Variants in SMYD3 observed in about 807,000 individuals in gnomAD.
The protein encoded by SMYD3 is SET and MYND domain containing 3.
In SMYD3, 36 loss-of-function variants were observed where a neutral mutation model predicts 57.7. The ratio of observed to expected loss-of-function variants is 0.62; its 90% CI spans 0.48 to 0.82. SMYD3 has a LOEUF of 0.82. Ranked by LOEUF, SMYD3 falls within the 40% of genes least tolerant of loss-of-function variation. SMYD3 has a pLI of 0.00. For missense variants in SMYD3, 515 were observed against 538.8 expected (o/e 0.96, Z 0.44); for synonymous variants, 211 against 195.0 (o/e 1.08, Z -0.68).
intron 5 of SMYD3, among the ~76,000 whole-genome samples, chr1:246,254,124 C>G (rs751385391): frequency 2.0e-5 from 3 of 152,150 alleles, no homozygotes; most frequent in Non-Finnish European, 4.4e-5. Flanking sequence ...TTGATAGTTT[C>G]TTTTGATGTG....
At chr1:245,858,881 A>G (rs2051391707) in intron 9 of SMYD3, among the ~76,000 whole-genome samples, 1 of 152,202 alleles carries the variant, frequency 6.6e-6, no homozygotes, top group African/African-American at 2.4e-5. Context: ...TCAACAAACT[A>G]TCTCGTAACC....
rs951013540 is a variant in SMYD3 at position 246,463,678 on chromosome 1, A to C, written c.164+43376T>G. Among the ~76,000 whole-genome samples, 121 of 149,456 alleles carry C rather than the reference A, an allele frequency of 8.1e-4. 2 individuals carry two copies. Among genetic ancestry groups the C allele is most frequent in the Non-Finnish European group, 4.2e-4 (28 of 67,168 alleles). On this transcript the variant is annotated intron_variant, in intron 1 of 11. Transcript: ENST00000490107. The stretch of plus-strand genomic sequence containing the variant: ...TAAAAATACAAAAAAAAAAAAAAAA[A>C]AAAAAACATTAGCTGGGTGTTGTGG...
intron 9 of SMYD3, among the ~76,000 whole-genome samples, chr1:245,861,582 C>T (rs1244494239): frequency 6.6e-6 from 1 of 152,126 alleles, no homozygotes; most frequent in Non-Finnish European, 1.5e-5. Flanking sequence ...GCCACCTTCC[C>T]CTCCTCTCAT....
chr1:246,229,896 T>C (rs976078735), intron 5 of SMYD3, among the ~76,000 whole-genome samples: 3 of 152,212 alleles, frequency 2.0e-5, no homozygotes, highest in African/African-American at 7.2e-5. Flanking sequence ...AATGGCAAGA[T>C]ACTAGAAGTA....
chr1:246,412,699 G>A (rs555344558), intron 1 of SMYD3, among the ~76,000 whole-genome samples: 28 of 151,910 alleles, frequency 1.8e-4, no homozygotes, highest in Non-Finnish European at 3.5e-4. Flanking sequence ...TCTACTAAAA[G>A]TACAAAAAAT....
At position 245,809,143 on chromosome 1, in the gene SMYD3, T is replaced by C. The variant is rs796837343; in HGVS notation, c.1077-44994A>G. On this transcript the variant is annotated intron_variant, in intron 10 of 11. Coordinates refer to ENST00000490107, the MANE Select transcript of SMYD3 (RefSeq NM_001167740.2). ...AGGGCTCTGTACTGCCTCTGGTTCC[T>C]GCTGCTCACTACTATCAAACACATA... Among the ~76,000 whole-genome samples the C allele has an allele frequency of 1.8e-4, 28 of 152,352 alleles. 1 individual carries two copies. Among genetic ancestry groups the C allele is most frequent in the African/African-American group, 6.0e-4 (25 of 41,588 alleles).
chr1:245,807,856 C>T (rs143854286), intron 10 of SMYD3, among the ~76,000 whole-genome samples: 4 of 150,648 alleles, frequency 2.7e-5, no homozygotes, highest in African/African-American at 4.9e-5. Context: ...AAGCAATCTA[C>T]ACCGTGAAAA....
chr1:246,218,644 A>C (rs953227259), intron 5 of SMYD3, among the ~76,000 whole-genome samples: 2 of 152,084 alleles, frequency 1.3e-5, no homozygotes, highest in Non-Finnish European at 2.9e-5. Context: ...AGTAGTGGCA[A>C]CACTGTATTT....
chr1:246,026,291 C>G (rs1378346266), intron 5 of SMYD3, among the ~76,000 whole-genome samples: 1 of 152,226 alleles, frequency 6.6e-6, no homozygotes, highest in Non-Finnish European at 1.5e-5. Context: ...TCATTTATAT[C>G]AGTGACTTCT....
intron 1 of SMYD3, among the ~76,000 whole-genome samples, chr1:246,364,683 C>A (rs1206945466): frequency 6.6e-6 from 1 of 152,092 alleles, no homozygotes; most frequent in Non-Finnish European, 1.5e-5. Flanking sequence ...AGTTATGGGA[C>A]GTAAAACATG....
chr1:246,400,973 T>C (rs1215825314), intron 1 of SMYD3, among the ~76,000 whole-genome samples: 1 of 152,158 alleles, frequency 6.6e-6, no homozygotes, highest in African/African-American at 2.4e-5. Flanking sequence ...ATTCACAAAA[T>C]CTGAAGCTCA....
chr1:245,828,044 T>C (rs2049605168), intron 10 of SMYD3, among the ~76,000 whole-genome samples: 1 of 152,218 alleles, frequency 6.6e-6, no homozygotes, highest in Non-Finnish European at 1.5e-5. Context: ...TACCTTTTTA[T>C]TTCCATAGGG....
intron 5 of SMYD3, among the ~76,000 whole-genome samples, chr1:246,076,866 C>T (rs542758948): frequency 2.2e-4 from 34 of 152,094 alleles, no homozygotes; most frequent in African/African-American, 8.0e-4. Flanking sequence ...ATAAGATGGC[C>T]CCTTATCGTC....
chr1:246,496,903 C>T (rs138639230), intron 1 of SMYD3, among the ~76,000 whole-genome samples: 441 of 152,110 alleles, frequency 2.9e-3, no homozygotes, highest in Middle Eastern at 0.01. Context: ...ATGAATAGGC[C>T]GTGTATAAAA....
At chr1:246,234,881 T>A (rs140116423) in intron 5 of SMYD3, among the ~76,000 whole-genome samples, 13 of 152,136 alleles carry the variant, frequency 8.5e-5, no homozygotes, top group African/African-American at 2.9e-4. Context: ...AAAAGCAACA[T>A]AGAGAGACTA....
intron 5 of SMYD3, among the ~76,000 whole-genome samples, chr1:246,121,614 T>A (rs2061427422): frequency 6.6e-6 from 1 of 152,182 alleles, no homozygotes; most frequent in South Asian, 2.1e-4. Context: ...GAAATAGCAG[T>A]GTTGATTATC....
intron 8 of SMYD3, among the ~76,000 whole-genome samples, chr1:245,872,318 C>T (rs1367484068): frequency 6.7e-6 from 1 of 149,222 alleles, no homozygotes; most frequent in African/African-American, 2.4e-5. Context: ...CAAGCAGCTG[C>T]TTGCATCCTC....
intron 5 of SMYD3, among the ~76,000 whole-genome samples, chr1:246,285,877 A>G (rs1372387807): frequency 1.3e-5 from 2 of 152,210 alleles, no homozygotes; most frequent in East Asian, 1.9e-4. Context: ...GCCAGCAAAC[A>G]TATGAAAAAA....
intron 5 of SMYD3, among the ~76,000 whole-genome samples, chr1:246,237,580 CT>C (rs1214330762): frequency 6.6e-6 from 1 of 152,138 alleles, no homozygotes; most frequent in Non-Finnish European, 1.5e-5. Flanking sequence ...CGTTTCTGGG[CT>C]TTAAACAAAC....
Sources: allele counts gnomAD v4.1 joint callset (sites outside exome capture counted in the v4.1 genomes callset), GRCh38; gene constraint gnomAD v4.1.1; transcripts MANE v1.5; gene names NCBI Gene and HGNC (gene_info 2026-07-23, HGNC 2026-07-21).